The following SCRG1 variants were observed in gnomAD, a reference collection of about 807,000 sequenced individuals.
SCRG1 encodes stimulator of chondrogenesis 1, also known as scrapie-responsive protein 1.
SCRG1 carries 3 observed loss-of-function variants against 7.7 expected under a neutral mutation model. That is an observed-to-expected ratio of 0.39 (90% CI 0.18 to 1.01). SCRG1 has a LOEUF of 1.01. Among genes scored for constraint, SCRG1 ranks in the 50% least tolerant of loss-of-function variants. The probability of loss-of-function intolerance (pLI) is 0.36; values close to 1 mark genes in which losing one functional copy is unlikely to be tolerated. For synonymous variants in SCRG1, 46 were observed against 41.2 expected (o/e 1.12, Z -0.44); for missense variants, 110 against 117.2 (o/e 0.94, Z 0.28).
the SCRG1 span, among the ~76,000 whole-genome samples, chr4:173,499,581 T>A: frequency 2.0e-5 from 3 of 152,112 alleles, no homozygotes; most frequent in African/African-American, 7.2e-5. The surrounding 1 kb of genome is among the most constrained non-coding windows in gnomAD (Gnocchi z 4.1). Flanking sequence ...TTAGTAAGGG[T>A]CTCCCCCACC....
the SCRG1 span, among the ~76,000 whole-genome samples, chr4:173,501,074 G>A: frequency 6.6e-6 from 1 of 152,300 alleles, no homozygotes; most frequent in Non-Finnish European, 1.5e-5. The surrounding 1 kb of genome is among the most constrained non-coding windows in gnomAD (Gnocchi z 5.1). Flanking sequence ...CTCGGACGCC[G>A]TGACGCTTTG....
chr4:173,438,646 C>T, the SCRG1 span, among the ~76,000 whole-genome samples: 2 of 151,870 alleles, frequency 1.3e-5, no homozygotes, highest in East Asian at 1.9e-4. Flanking sequence ...AAAATACCAT[C>T]GAAATGTTTG....
At chr4:173,456,345 T>A in the SCRG1 span, among the ~76,000 whole-genome samples, 2 of 152,216 alleles carry the variant, frequency 1.3e-5, no homozygotes, top group East Asian at 1.9e-4. Context: ...TGCCAAAGTA[T>A]ATCTTAACAT....
chr4:173,511,269 C>A, the SCRG1 span, among the ~76,000 whole-genome samples: 5 of 152,056 alleles, frequency 3.3e-5, no homozygotes, highest in Non-Finnish European at 7.4e-5. This position sits in a 1 kb window ranked among gnomAD's most constrained non-coding sequence, Gnocchi z 5.2. Flanking sequence ...TGAGCCACCG[C>A]GCGCCGGGTG....
the SCRG1 span, among the ~76,000 whole-genome samples, chr4:173,415,251 C>T: frequency 2.0e-5 from 3 of 152,142 alleles, no homozygotes; most frequent in African/African-American, 7.2e-5. Context: ...GTTTGCAATT[C>T]AGGATTTTAT....
chr4:173,408,389 CT>C (rs1376331682), upstream of SCRG1, among the ~76,000 whole-genome samples: 2 of 152,114 alleles, frequency 1.3e-5, no homozygotes, highest in African/African-American at 4.8e-5. Flanking sequence ...AAAATTGCCC[CT>C]GGATTGTTAC....
At chr4:173,501,012 C>T in the SCRG1 span, among the ~76,000 whole-genome samples, 1 of 152,192 alleles carries the variant, frequency 6.6e-6, no homozygotes, top group Non-Finnish European at 1.5e-5. This position sits in a 1 kb window ranked among gnomAD's most constrained non-coding sequence, Gnocchi z 5.1. Context: ...AACCCAGAGG[C>T]GGGAGGCTCC....
chr4:173,483,805 TGATATGTA>T, the SCRG1 span, among the ~76,000 whole-genome samples: 8 of 99,188 alleles, frequency 8.1e-5, 3 homozygotes, highest in Non-Finnish European at 1.4e-4. Flanking sequence ...ATATGATATA[TGATATGTA>T]ATATATATAA....
chr4:173,507,910 C>A, the SCRG1 span, among the ~76,000 whole-genome samples: 3 of 152,228 alleles, frequency 2.0e-5, no homozygotes, highest in Non-Finnish European at 2.9e-5. This position sits in a 1 kb window ranked among gnomAD's most constrained non-coding sequence, Gnocchi z 4.4. Context: ...GAGGCCCCTC[C>A]GCTGGTGGGC....
the SCRG1 span, among the ~76,000 whole-genome samples, chr4:173,503,187 C>T: frequency 2.0e-5 from 3 of 152,188 alleles, no homozygotes; most frequent in South Asian, 6.2e-4. This position sits in a 1 kb window ranked among gnomAD's most constrained non-coding sequence, Gnocchi z 6.4. Flanking sequence ...ACTCCCAAGC[C>T]CCCAGTCATA....
At chr4:173,485,107 T>TA in the SCRG1 span, among the ~76,000 whole-genome samples, 1 of 16,188 alleles carries the variant, frequency 6.2e-5, no homozygotes. Context: ...ATATATTATA[T>TA]ATTATATAAT....
At chr4:173,479,212 G>A in the SCRG1 span, among the ~76,000 whole-genome samples, 1 of 152,108 alleles carries the variant, frequency 6.6e-6, no homozygotes, top group Non-Finnish European at 1.5e-5. Context: ...GGAAACCAAT[G>A]CCCAATTTAC....
At chr4:173,482,011 T>A in the SCRG1 span, among the ~76,000 whole-genome samples, 1 of 152,116 alleles carries the variant, frequency 6.6e-6, no homozygotes, top group Non-Finnish European at 1.5e-5. Flanking sequence ...ATGTGTAGAG[T>A]ATATGGATTA....
chr4:173,452,914 G>C, the SCRG1 span, among the ~76,000 whole-genome samples: 5 of 152,222 alleles, frequency 3.3e-5, no homozygotes, highest in Admixed American at 1.3e-4. Flanking sequence ...ATTTAGAGGA[G>C]CTGAAGCTCC....
chr4:173,392,748 T>C (rs111580251), intron 1 of SCRG1, among the ~76,000 whole-genome samples: 122 of 152,252 alleles, frequency 8.0e-4, no homozygotes, highest in Non-Finnish European at 1.5e-3. Flanking sequence ...CTTTCCTTCC[T>C]TGGAAAGAGG....
chr4:173,430,989 T>C, the SCRG1 span, among the ~76,000 whole-genome samples: 7 of 152,064 alleles, frequency 4.6e-5, no homozygotes, highest in Non-Finnish European at 7.4e-5. Context: ...GGGCAAGATT[T>C]GAAAAACTTC....
chr4:173,457,514 C>T, the SCRG1 span, among the ~76,000 whole-genome samples: 1 of 152,062 alleles, frequency 6.6e-6, no homozygotes, highest in East Asian at 1.9e-4. Flanking sequence ...CATAATTGAT[C>T]CCTGCAGCCT....
chr4:173,432,336 T>TTCCA, the SCRG1 span, among the ~76,000 whole-genome samples: 1 of 134,328 alleles, frequency 7.4e-6, no homozygotes, highest in African/African-American at 2.7e-5. Flanking sequence ...CCTTCCTTCC[T>TTCCA]TCCTCTTTCA....
chr4:173,483,223 TATATTATATATA>T, the SCRG1 span, among the ~76,000 whole-genome samples: 1 of 85,314 alleles, frequency 1.2e-5, no homozygotes, highest in African/African-American at 5.0e-5. Flanking sequence ...ATATAATATA[TATATTATATATA>T]ATATATGATA....
Sources: gnomAD v4.1 joint callset for allele counts (sites outside exome capture counted in the v4.1 genomes callset) on GRCh38, gnomAD v4.1.1 for gene constraint, Gnocchi (gnomAD v3.1) non-coding constraint, MANE v1.5 for transcripts, NCBI Gene and HGNC (gene_info 2026-07-23, HGNC 2026-07-21) for gene names.